LRP1B: variants seen among roughly 807,000 people sequenced by gnomAD.
LRP1B encodes LDL receptor related protein 1B, also known as low-density lipoprotein receptor-related protein 1B.
Under a neutral mutation model 556.6 loss-of-function variants are expected in LRP1B, and 217 were observed. The ratio of observed to expected loss-of-function variants is 0.39; its 90% CI spans 0.35 to 0.44. LRP1B has a LOEUF of 0.44. Among genes scored for constraint, LRP1B ranks in the 20% least tolerant of loss-of-function variants. The pLI is 1.00. For missense variants in LRP1B, 5,053 were observed against 5,620.8 expected (o/e 0.90, Z 3.23); for synonymous variants, 2,047 against 1,865.8 (o/e 1.10, Z -2.50).
At chr2:141,329,427 G>T in intron 3 of LRP1B, among the ~76,000 whole-genome samples, 1 of 148,780 alleles carries the variant, frequency 6.7e-6, no homozygotes, top group East Asian at 2.0e-4. Context: ...GGTGGATCCC[G>T]AGGTCAGGAG....
At chr2:141,135,315 T>G (rs988674405) in intron 7 of LRP1B, among the ~76,000 whole-genome samples, 1 of 152,014 alleles carries the variant, frequency 6.6e-6, no homozygotes, top group Admixed American at 6.6e-5. Flanking sequence ...CGTAGCACAA[T>G]GTCCTTAGAA....
chr2:140,677,372 G>C (rs902033814), intron 41 of LRP1B, among the ~76,000 whole-genome samples: 3 of 152,148 alleles, frequency 2.0e-5, no homozygotes, highest in African/African-American at 4.8e-5. Context: ...CCACGAAAGA[G>C]AGCAATTTGT....
chr2:141,320,502 A>G (rs74337612), intron 3 of LRP1B, among the ~76,000 whole-genome samples: 3,723 of 152,160 alleles, frequency 0.024, 153 homozygotes, highest in African/African-American at 0.082. Flanking sequence ...TACTATGCCT[A>G]GACACTGATG....
chr2:141,453,902 G>T (rs1681524387), intron 3 of LRP1B, among the ~76,000 whole-genome samples: 1 of 146,924 alleles, frequency 6.8e-6, no homozygotes, highest in Admixed American at 6.9e-5. Flanking sequence ...AACAAAGTGA[G>T]ACTCTGTCTC....
Position 140,601,491 on chromosome 2 carries a change from T to C in LRP1B, c.6948A>G (p.Glu2316=). 1 of 1,612,926 alleles carries C rather than the reference T, an allele frequency of 6.2e-7. No homozygotes were observed. The highest frequency in any genetic ancestry group is 8.5e-7 in the Non-Finnish European group (1 of 1,179,250). The change falls in exon 42 of 91, where the codon GAA becomes GAG. Residue 2316 remains glutamate, a synonymous_variant. Transcript: ENST00000389484. ...AGGCTAGCACATGTGGATGGTCATC[T>C]TCTGACATGGTGATGACAGCTTCCC... ...FDREAVITMS[E]DDHPHVLALD... is the part of the protein sequence containing the mutation.
In LRP1B at chr2:140,509,978, C is replaced by T. The variant is rs1264132340; in HGVS notation, c.8348G>A (p.Gly2783Asp). 1 of 1,614,004 alleles carries T rather than the reference C, an allele frequency of 6.2e-7. No homozygotes were observed. The highest frequency in any genetic ancestry group is 1.7e-4 in the Middle Eastern group (1 of 5,930). The change falls in exon 52 of 91, where the codon GGT (glycine) becomes GAT (aspartate). Residue 2783 changes from glycine to aspartate, a missense_variant. Coordinates refer to ENST00000389484, the MANE Select transcript of LRP1B (RefSeq NM_018557.3). The part of the protein sequence containing the change: ...ACVPRHWLCD[G>D]ERDCPDGSDE... The stretch of plus-strand genomic sequence containing the variant: ...GCTTCCATCTGGACAGTCCCTTTCA[C>T]CATCACAAAGCCAATGTCGGGGCAC...
rs2105707322 is a variant in LRP1B at position 141,810,308 on chromosome 2, G to A, written c.176C>T (p.Pro59Leu). Residue 59 changes from proline (P) to leucine (L), a missense_variant, in exon 2 of 91, where the codon CCT (proline) becomes CTT (leucine). Around this residue, in one of 5 missense-constraint regions of LRP1B, gnomAD observed 3,619 missense variants for 3,931.9 expected, o/e 0.92. Coordinates refer to ENST00000389484, the MANE Select transcript of LRP1B (RefSeq NM_018557.3). ...ATCTAAAGACTCGTCTGAATCATCA[G>A]GGCAGTCAGGGTCCCCATCACACAG... The part of the protein sequence containing the change: ...SWLCDGDPDC[P>L]DDSDESLDTC... 3.1e-6 allele frequency: 5 copies of A among 1,613,130 alleles called. No individual in the cohort carries two copies. Among genetic ancestry groups the A allele is most frequent in the African/African-American group, 1.3e-5 (1 of 74,956 alleles).
Position 142,118,511 on chromosome 2 carries a change from T to C in LRP1B, c.82+12137A>G, listed in dbSNP as rs909947848. ...TTTTCTGCCCAAATGACTTTAACTG[T>C]GAGTGTGCAGTCAGTAATTATCATT... On this transcript the variant is annotated intron_variant, in intron 1 of 90. Coordinates refer to ENST00000389484, the MANE Select transcript of LRP1B (RefSeq NM_018557.3). Among the ~76,000 whole-genome samples, 3 of 152,258 alleles carry C rather than the reference T, an allele frequency of 2.0e-5. No individual in the cohort carries two copies. In the East Asian group the frequency reaches 5.8e-4, roughly 29 times the overall value.
intron 2 of LRP1B, among the ~76,000 whole-genome samples, chr2:141,647,047 T>C (rs1320292508): frequency 6.6e-6 from 1 of 152,140 alleles, no homozygotes; most frequent in Non-Finnish European, 1.5e-5. Flanking sequence ...AAAGGGGTTA[T>C]GGCGGTCAGG....
chr2:141,058,683 AC>A (rs1699253444), intron 9 of LRP1B, among the ~76,000 whole-genome samples, 199 bp downstream of exon 9: 2 of 151,856 alleles, frequency 1.3e-5, no homozygotes, highest in African/African-American at 4.8e-5. Flanking sequence ...TATCATAGAA[AC>A]GATTCACTAG....
intron 1 of LRP1B, among the ~76,000 whole-genome samples, chr2:142,128,149 C>T (rs1707722975): frequency 6.6e-6 from 1 of 152,038 alleles, no homozygotes; most frequent in African/African-American, 2.4e-5. Flanking sequence ...TGAACATAAA[C>T]ATACGAGTTA....
intron 2 of LRP1B, among the ~76,000 whole-genome samples, chr2:141,734,042 C>T (rs2105524770): frequency 6.6e-6 from 1 of 152,072 alleles, no homozygotes; most frequent in South Asian, 2.1e-4. Flanking sequence ...CTATGATAGG[C>T]ACTTAGTATT....
At chr2:141,715,555 C>T (rs1692553759) in intron 2 of LRP1B, among the ~76,000 whole-genome samples, 1 of 152,134 alleles carries the variant, frequency 6.6e-6, no homozygotes, top group African/African-American at 2.4e-5. Flanking sequence ...TGGCTCACAC[C>T]TGTAATCCCA....
intron 66 of LRP1B, among the ~76,000 whole-genome samples, chr2:140,424,492 C>A (rs1685575504): frequency 6.6e-6 from 1 of 152,144 alleles, no homozygotes; most frequent in African/African-American, 2.4e-5. Flanking sequence ...ATAGAAAATT[C>A]ACGAGCATTC....
At chr2:140,832,478 A>G (rs1423015016) in intron 31 of LRP1B, among the ~76,000 whole-genome samples, 1 of 152,224 alleles carries the variant, frequency 6.6e-6, no homozygotes, top group African/African-American at 2.4e-5. Flanking sequence ...TTGCAACACT[A>G]TTTACAATAA....
chr2:140,575,535 A>G (rs1681486215), intron 43 of LRP1B, among the ~76,000 whole-genome samples: 1 of 152,120 alleles, frequency 6.6e-6, no homozygotes. Context: ...AGTTCTACAT[A>G]TTTCATAATT....
At chr2:140,683,473 A>T in intron 41 of LRP1B, 1 of 563,286 alleles carries the variant, frequency 1.8e-6, no homozygotes. Flanking sequence ...TTTGGGGCAC[A>T]GCTGACCCAA....
At chr2:141,074,540 T>C (rs1407389495) in intron 7 of LRP1B, among the ~76,000 whole-genome samples, 1 of 148,840 alleles carries the variant, frequency 6.7e-6, no homozygotes, top group Non-Finnish European at 1.5e-5. Flanking sequence ...TGTCTGCACA[T>C]ACTAAGTTCT....
At chr2:140,800,825 A>G (rs1415320728) in intron 32 of LRP1B, among the ~76,000 whole-genome samples, 1 of 152,198 alleles carries the variant, frequency 6.6e-6, no homozygotes, top group Non-Finnish European at 1.5e-5. Context: ...CATGTAGTAC[A>G]TGCCAGAAAT....
Sources: allele counts gnomAD v4.1 joint callset (sites outside exome capture counted in the v4.1 genomes callset), GRCh38; gene constraint gnomAD v4.1.1; regional missense constraint gnomAD v4.1.1; transcripts MANE v1.5; gene names NCBI Gene and HGNC (gene_info 2026-07-23, HGNC 2026-07-21).